SNTB2: variants seen among roughly 807,000 people sequenced by gnomAD.
SNTB2 encodes the protein beta-2-syntrophin.
A neutral mutation model predicts 46.2 loss-of-function variants in SNTB2; 34 were observed. That is an observed-to-expected ratio of 0.74 (90% confidence interval 0.56 to 0.98). The LOEUF is 0.98. SNTB2 is among the 50% of genes least tolerant of loss of function. SNTB2 has a pLI of 0.00. For missense variants in SNTB2, 603 were observed against 731.4 expected, an observed-to-expected ratio of 0.82 and a Z score of 2.02; for synonymous variants, 290 against 312.6, an observed-to-expected ratio of 0.93 and a Z score of 0.76.
chr16:69,202,001 T>G (rs1217581931), intron 1 of SNTB2, among the ~76,000 whole-genome samples: 1 of 152,188 alleles, frequency 6.6e-6, no homozygotes, highest in Non-Finnish European at 1.5e-5. Context: ...TCATTCTCCT[T>G]GTTTACACCT....
intron 3 of SNTB2, among the ~76,000 whole-genome samples, chr16:69,268,985 C>T (rs530107200): frequency 3.3e-5 from 5 of 151,420 alleles, no homozygotes; most frequent in South Asian, 2.1e-4. Flanking sequence ...GCCTGACCAA[C>T]ATGGAGAAAC....
At chr16:69,240,697 G>A (rs997209478) in intron 1 of SNTB2, 1 of 152,178 alleles carries the variant, frequency 6.6e-6, no homozygotes, top group African/African-American at 2.4e-5. Context: ...GCATGGAAAA[G>A]GTAAGAGTTA....
chr16:69,209,512 G>A (rs1197533956), intron 1 of SNTB2, among the ~76,000 whole-genome samples: 1 of 152,114 alleles, frequency 6.6e-6, no homozygotes, highest in Non-Finnish European at 1.5e-5. Flanking sequence ...CTGCTTTATG[G>A]TAATTCAACC....
intron 1 of SNTB2, among the ~76,000 whole-genome samples, chr16:69,237,865 A>G (rs1363898026): frequency 6.6e-6 from 1 of 151,916 alleles, no homozygotes; most frequent in Non-Finnish European, 1.5e-5. Context: ...GGCCTCCCAA[A>G]GTGCTGGGAT....
intron 4 of SNTB2, among the ~76,000 whole-genome samples, chr16:69,281,899 TTC>T (rs1170706036): frequency 3.6e-5 from 5 of 140,752 alleles, no homozygotes; most frequent in Non-Finnish European, 7.7e-5. Context: ...TCACATTTGT[TTC>T]TCTCTTTTTT....
chr16:69,198,856 C>T (rs955746507), intron 1 of SNTB2, among the ~76,000 whole-genome samples: 9 of 150,946 alleles, frequency 6.0e-5, no homozygotes, highest in East Asian at 5.8e-4. Context: ...ACTGACTGTA[C>T]GCAAATGCAT....
At chr16:69,284,572 G>A (rs948492259) in intron 5 of SNTB2, among the ~76,000 whole-genome samples, 1 of 148,876 alleles carries the variant, frequency 6.7e-6, no homozygotes, top group Non-Finnish European at 1.5e-5. Context: ...TCAGGAGTTC[G>A]CAACCAGCCT....
At chr16:69,236,378 A>G (rs1315147441) in intron 1 of SNTB2, among the ~76,000 whole-genome samples, 15 of 144,958 alleles carry the variant, frequency 1.0e-4, no homozygotes. Flanking sequence ...CAAGGAGATC[A>G]GTTAAGAGGC....
At chr16:69,216,726 T>G (rs1219339901) in intron 1 of SNTB2, among the ~76,000 whole-genome samples, 1 of 151,430 alleles carries the variant, frequency 6.6e-6, no homozygotes, top group Non-Finnish European at 1.5e-5. Context: ...ATTAAACCAC[T>G]TACATGGATG....
intron 1 of SNTB2, among the ~76,000 whole-genome samples, chr16:69,229,656 G>A (rs1335626308): frequency 1.3e-5 from 2 of 150,498 alleles, no homozygotes; most frequent in African/African-American, 4.9e-5. Flanking sequence ...TGGCCAACCA[G>A]CTTGGTGAAA....
intron 1 of SNTB2, among the ~76,000 whole-genome samples, chr16:69,200,947 C>G (rs1489251664): frequency 6.6e-6 from 1 of 152,196 alleles, no homozygotes; most frequent in Admixed American, 6.5e-5. Context: ...GAAGACTGCT[C>G]TGTAACTTTT....
chr16:69,200,144 G>A (rs1315455355), intron 1 of SNTB2, among the ~76,000 whole-genome samples: 1 of 152,266 alleles, frequency 6.6e-6, no homozygotes, highest in East Asian at 1.9e-4. Context: ...TCAATCTCCT[G>A]ACCTCGTGAT....
At chr16:69,211,063 A>T (rs1208097090) in intron 1 of SNTB2, among the ~76,000 whole-genome samples, 1 of 152,142 alleles carries the variant, frequency 6.6e-6, no homozygotes, top group African/African-American at 2.4e-5. Flanking sequence ...TCCTGGCCTC[A>T]AGCATTCCTT....
intron 3 of SNTB2, among the ~76,000 whole-genome samples, chr16:69,263,089 G>C (rs1409288569): frequency 6.6e-6 from 1 of 150,962 alleles, no homozygotes; most frequent in Non-Finnish European, 1.5e-5. Flanking sequence ...CAGCCTCTAG[G>C]AACTACCATT....
intron 1 of SNTB2, among the ~76,000 whole-genome samples, chr16:69,229,075 T>C (rs1964482976): frequency 6.6e-6 from 1 of 152,246 alleles, no homozygotes; most frequent in Non-Finnish European, 1.5e-5. Context: ...ATTTCTTCAG[T>C]ATTTATTAAA....
intron 1 of SNTB2, chr16:69,241,989 C>T (rs891170665): frequency 6.6e-6 from 1 of 151,180 alleles, no homozygotes; most frequent in Non-Finnish European, 1.5e-5. Context: ...CAGATGCTGC[C>T]TCATGCCCCA....
chr16:69,226,812 T>C (rs977119632), intron 1 of SNTB2, among the ~76,000 whole-genome samples: 1 of 152,250 alleles, frequency 6.6e-6, no homozygotes, highest in Non-Finnish European at 1.5e-5. Flanking sequence ...ATTACAGGTG[T>C]GAGCCATGGT....
At chr16:69,227,841 A>ATTTTTTTTTT (rs60387965) in intron 1 of SNTB2, among the ~76,000 whole-genome samples, 1 of 115,914 alleles carries the variant, frequency 8.6e-6, no homozygotes. Context: ...GTTTCTCTGG[A>ATTTTTTTTTT]TTTTTTTTTT....
intron 1 of SNTB2, chr16:69,230,437 C>T (rs1223938038): frequency 1.3e-5 from 2 of 151,452 alleles, no homozygotes; most frequent in Non-Finnish European, 2.9e-5. Context: ...TCTCGGCTGA[C>T]GATAACCTCT....
Sources: allele counts gnomAD v4.1 joint callset (sites outside exome capture counted in the v4.1 genomes callset), GRCh38; gene constraint gnomAD v4.1.1; transcripts MANE v1.5; gene names NCBI Gene and HGNC (gene_info 2026-07-23, HGNC 2026-07-21).